DAB1: variants seen among roughly 807,000 people sequenced by gnomAD.
DAB1 encodes the protein disabled homolog 1.
In DAB1, 15 loss-of-function variants were observed where a neutral mutation model predicts 64.6. The observed-to-expected ratio is 0.23, with a 90% CI of 0.16 to 0.36. The LOEUF is 0.36. DAB1 is among the 10% of genes least tolerant of loss of function. The pLI, the probability that DAB1 is intolerant of heterozygous loss-of-function variation, is 1.00. For missense variants in DAB1, 596 were observed against 706.7 expected, an observed-to-expected ratio of 0.84 and a Z score of 1.78; for synonymous variants, 235 against 251.9, an observed-to-expected ratio of 0.93 and a Z score of 0.64.
At chr1:57,411,837 G>C (rs1684138203) in intron 1 of DAB1, among the ~76,000 whole-genome samples, 2 of 152,282 alleles carry the variant, frequency 1.3e-5, no homozygotes, top group South Asian at 4.2e-4. Context: ...GGCTTTTCTA[G>C]GTATCAAATG....
At chr1:58,447,690 G>A (rs1056734355) in intron 3 of DAB1, among the ~76,000 whole-genome samples, 6 of 152,088 alleles carry the variant, frequency 3.9e-5, no homozygotes, top group South Asian at 2.1e-4. Flanking sequence ...ATGTGAGCTC[G>A]GATGAACAAT....
At chr1:58,105,677 C>T (rs1651590634) in intron 5 of DAB1, among the ~76,000 whole-genome samples, 1 of 152,192 alleles carries the variant, frequency 6.6e-6, no homozygotes, top group Non-Finnish European at 1.5e-5. Flanking sequence ...ACTTCAAATT[C>T]CTAAGTGTTT....
intron 1 of DAB1, among the ~76,000 whole-genome samples, chr1:57,346,483 A>G (rs1420669611): frequency 2.6e-5 from 4 of 152,212 alleles, no homozygotes; most frequent in African/African-American, 7.2e-5. Flanking sequence ...TGGAATCCCA[A>G]TTCTTATCTT....
chr1:58,203,452 C>T (rs186784379), intron 4 of DAB1, among the ~76,000 whole-genome samples: 1 of 152,294 alleles, frequency 6.6e-6, no homozygotes, highest in Admixed American at 6.5e-5. Flanking sequence ...CCATATTCAC[C>T]CAACTGTCTC....
intron 2 of DAB1, among the ~76,000 whole-genome samples, chr1:57,254,930 C>T (rs1254449223): frequency 6.6e-6 from 1 of 151,934 alleles, no homozygotes; most frequent in Non-Finnish European, 1.5e-5. Flanking sequence ...AGTATCTTGT[C>T]AAGTCCTTAA....
intron 7 of DAB1, among the ~76,000 whole-genome samples, chr1:57,069,876 C>T (rs11206965): frequency 0.22 from 32,884 of 152,116 alleles, 4,036 homozygotes; most frequent in East Asian, 0.48. Flanking sequence ...AAGCCCCAAA[C>T]TCCTTTATCC....
intron 6 of DAB1, among the ~76,000 whole-genome samples, chr1:57,649,820 C>T (rs139507053): frequency 7.9e-5 from 12 of 152,234 alleles, no homozygotes; most frequent in East Asian, 1.9e-4. Context: ...ATACCACTGA[C>T]GAAAAAGTCA....
intron 1 of DAB1, among the ~76,000 whole-genome samples, chr1:57,402,706 G>A (rs1278419563): frequency 6.6e-6 from 1 of 152,072 alleles, no homozygotes; most frequent in Admixed American, 6.6e-5. Flanking sequence ...AACTCTCTGG[G>A]GCATAGTTAC....
At chr1:57,464,825 C>T (rs951243909) in intron 7 of DAB1, among the ~76,000 whole-genome samples, 1 of 151,580 alleles carries the variant, frequency 6.6e-6, no homozygotes, top group Non-Finnish European at 1.5e-5. Flanking sequence ...TTTCTCTTAG[C>T]ACAATATTTC....
intron 3 of DAB1, among the ~76,000 whole-genome samples, chr1:58,479,441 T>G (rs1367919951): frequency 6.6e-6 from 1 of 152,192 alleles, no homozygotes; most frequent in Non-Finnish European, 1.5e-5. Context: ...TCTTAACAAC[T>G]AGATATTTTG....
chr1:57,621,280 G>GTGTGCA (rs1471860772), intron 7 of DAB1, among the ~76,000 whole-genome samples: 7 of 151,348 alleles, frequency 4.6e-5, no homozygotes, highest in South Asian at 2.1e-4. Flanking sequence ...GTGTGTGTGC[G>GTGTGCA]TGTGTAGGAG....
chr1:57,338,050 T>A (rs1558192987), intron 1 of DAB1, among the ~76,000 whole-genome samples: 1 of 152,044 alleles, frequency 6.6e-6, no homozygotes, highest in African/African-American at 2.4e-5. Context: ...AGTGGTACAA[T>A]CACAATTCAC....
chr1:57,493,427 T>C (rs899064009), intron 7 of DAB1, among the ~76,000 whole-genome samples: 3 of 152,214 alleles, frequency 2.0e-5, no homozygotes, highest in Non-Finnish European at 4.4e-5. Flanking sequence ...TTTATCATAA[T>C]GCCTTCAAAG....
At chr1:58,394,986 A>G (rs1029269208) in intron 3 of DAB1, among the ~76,000 whole-genome samples, 2 of 138,128 alleles carry the variant, frequency 1.4e-5, no homozygotes, top group African/African-American at 5.4e-5. Context: ...GAAGCAAAAA[A>G]AAAAATGGCA....
intron 1 of DAB1, among the ~76,000 whole-genome samples, chr1:57,827,976 C>T (rs549179222): frequency 1.3e-5 from 2 of 152,258 alleles, no homozygotes; most frequent in African/African-American, 2.4e-5. Context: ...GATGGAGTCT[C>T]GCTCTGTCGC....
chr1:58,141,018 G>A (rs1168686993), intron 5 of DAB1, among the ~76,000 whole-genome samples: 4 of 152,158 alleles, frequency 2.6e-5, no homozygotes, highest in Admixed American at 6.5e-5. Flanking sequence ...GGCTATACAG[G>A]AAGCATGGTG....
chr1:57,732,466 G>A (rs561159851), intron 6 of DAB1, among the ~76,000 whole-genome samples: 8 of 152,120 alleles, frequency 5.3e-5, no homozygotes, highest in Non-Finnish European at 1.0e-4. Flanking sequence ...ACGATTCATC[G>A]GGTAAGTGGC....
chr1:57,108,155 A>C (rs1335468663), intron 4 of DAB1, among the ~76,000 whole-genome samples: 4 of 152,188 alleles, frequency 2.6e-5, no homozygotes, highest in Non-Finnish European at 5.9e-5. Flanking sequence ...GTAGGGTAAA[A>C]ACGCAAAATA....
At chr1:58,233,303 A>C (rs1271212978) in intron 4 of DAB1, among the ~76,000 whole-genome samples, 1 of 152,206 alleles carries the variant, frequency 6.6e-6, no homozygotes, top group South Asian at 2.1e-4. Flanking sequence ...CTTGATGAGT[A>C]GGTATCATTA....
Sources: gnomAD v4.1 joint callset for allele counts (sites outside exome capture counted in the v4.1 genomes callset) on GRCh38, gnomAD v4.1.1 for gene constraint, MANE v1.5 for transcripts, NCBI Gene and HGNC (gene_info 2026-07-23, HGNC 2026-07-21) for gene names.